The following RPH3AL variants were observed in gnomAD, a reference collection of about 807,000 sequenced individuals.
RPH3AL encodes rab effector Noc2.
Under a neutral mutation model 43.1 loss-of-function variants are expected in RPH3AL, and 38 were observed. The observed-to-expected ratio is 0.88, with a 90% confidence interval of 0.68 to 1.15. The LOEUF is 1.15. Among genes scored for constraint, RPH3AL ranks in the 50% most tolerant of loss-of-function variants. RPH3AL has a pLI of 0.00. For missense variants in RPH3AL, 462 were observed against 423.2 expected (o/e 1.09, Z -0.81); for synonymous variants, 189 against 176.3 (o/e 1.07, Z -0.57).
chr17:315,570 C>T (rs1468689923), intron 5 of RPH3AL, among the ~76,000 whole-genome samples: 10 of 152,198 alleles, frequency 6.6e-5, no homozygotes, highest in African/African-American at 2.4e-4. Context: ...TGTGCCCCAC[C>T]TCCATTGACC....
At chr17:337,257 G>A (rs534376225) in intron 1 of RPH3AL, among the ~76,000 whole-genome samples, 5 of 152,010 alleles carry the variant, frequency 3.3e-5, no homozygotes, top group Admixed American at 6.5e-5. Context: ...AGAACTACAC[G>A]CCTGGCTAAT....
intron 7 of RPH3AL, among the ~76,000 whole-genome samples, chr17:232,804 C>T (rs996678136): frequency 1.5e-4 from 23 of 151,012 alleles, no homozygotes; most frequent in Non-Finnish European, 2.8e-4. Flanking sequence ...TCCCCCCTTC[C>T]TTGTCTCTAA....
intron 2 of RPH3AL, among the ~76,000 whole-genome samples, chr17:330,771 G>A (rs1204303257): frequency 6.6e-6 from 1 of 151,966 alleles, no homozygotes; most frequent in African/African-American, 2.4e-5. Flanking sequence ...AGCTATTCGG[G>A]AGGCCGAGGC....
Position 213,813 on chromosome 17 carries a change from A to C in RPH3AL, c.*39T>G. 6.4e-7 allele frequency: 1 copy of C among 1,561,376 alleles called. No individual in the cohort carries two copies. The highest frequency in any genetic ancestry group is 8.8e-7 in the Non-Finnish European group (1 of 1,134,106). Reference sequence around the variant, plus strand: ...GAGGAGCCGGGCAGGGTCTGGCAGGAATCCTCCACAGGGAAGTCTGTTCCA... The same window carrying C: ...GAGGAGCCGGGCAGGGTCTGGCAGGCATCCTCCACAGGGAAGTCTGTTCCA... On this transcript the variant is annotated 3_prime_UTR_variant, in exon 10 of 10. Transcript: ENST00000331302.
chr17:224,442 C>T (rs989689258), intron 7 of RPH3AL, among the ~76,000 whole-genome samples: 5 of 152,244 alleles, frequency 3.3e-5, no homozygotes, highest in African/African-American at 1.2e-4. Flanking sequence ...TCTCTTGGCA[C>T]AGAAAACTGT....
chr17:314,944 G>T (rs2043876946), intron 5 of RPH3AL, among the ~76,000 whole-genome samples: 1 of 137,418 alleles, frequency 7.3e-6, no homozygotes, highest in Non-Finnish European at 1.5e-5. Flanking sequence ...TTGACCTGTA[G>T]TCTCTGTGCT....
chr17:332,166 G>C (rs1422731185), intron 2 of RPH3AL: 3 of 333,288 alleles, frequency 9.0e-6, no homozygotes, highest in East Asian at 7.8e-5. Flanking sequence ...CTGTGGACAG[G>C]GCTGGTGGAG....
chr17:288,591 A>T (rs367774579), intron 5 of RPH3AL, among the ~76,000 whole-genome samples: 4 of 16,740 alleles, frequency 2.4e-4, no homozygotes, highest in African/African-American at 7.6e-4. Context: ...CAGACCTCAC[A>T]CCCTCTCTCC....
intron 2 of RPH3AL, chr17:331,946 G>C: frequency 8.5e-7 from 1 of 1,173,304 alleles, no homozygotes; most frequent in Non-Finnish European, 1.1e-6. Flanking sequence ...TGGAAAAGCA[G>C]GGAAGGCAAA....
chr17:297,855 C>A (rs752455187), intron 5 of RPH3AL, among the ~76,000 whole-genome samples: 1 of 152,156 alleles, frequency 6.6e-6, no homozygotes, highest in Non-Finnish European at 1.5e-5. Context: ...TGTAAGTCCC[C>A]GTTACTCCCG....
rs765477945 is a variant in RPH3AL, at chr17:319,561, GAC to G, written c.222-14_222-13del. ...GCTCCACCAGCCGCCTGCAGCACAG[GAC>G]ACAGAGTCAGAGGGACTGTGCTTCC... On this transcript the variant is annotated splice_polypyrimidine_tract_variant and intron_variant, in intron 4 of 9. Transcript: ENST00000331302. 5.0e-6 allele frequency: 8 copies of G among 1,609,534 alleles called. No homozygotes were observed. The highest frequency in any genetic ancestry group is 6.8e-6 in the Non-Finnish European group (8 of 1,179,892).
At chr17:342,972 T>C (rs2045155895) in intron 1 of RPH3AL, among the ~76,000 whole-genome samples, 1 of 152,224 alleles carries the variant, frequency 6.6e-6, no homozygotes, top group Non-Finnish European at 1.5e-5. Context: ...ATGTCAGGCA[T>C]GTAAGTTTCA....
chr17:247,313 G>A (rs1555540594), intron 6 of RPH3AL, 28 bp from the exon 7 acceptor site: 1 of 1,534,678 alleles, frequency 6.5e-7, no homozygotes, highest in Admixed American at 2.0e-5. Flanking sequence ...GCTGCTTGGG[G>A]CACAGGACGC....
intron 6 of RPH3AL, among the ~76,000 whole-genome samples, chr17:272,652 G>A (rs2042497977): frequency 6.7e-6 from 1 of 149,670 alleles, no homozygotes; most frequent in Admixed American, 6.6e-5. Context: ...TATACCTAAT[G>A]CTAAAATGAC....
intron 6 of RPH3AL, among the ~76,000 whole-genome samples, chr17:273,379 C>T (rs371992316): frequency 2.0e-4 from 15 of 76,162 alleles, no homozygotes; most frequent in African/African-American, 6.2e-4. Context: ...GCGAGGGTGA[C>T]GTCAGGGAGA....
intron 6 of RPH3AL, among the ~76,000 whole-genome samples, chr17:278,441 C>G (rs1040943145): frequency 6.6e-6 from 1 of 152,170 alleles, no homozygotes; most frequent in Non-Finnish European, 1.5e-5. Context: ...CAACTTAACT[C>G]AAGTCACACT....
chr17:219,192 C>CTTTT (rs796389217), intron 8 of RPH3AL, among the ~76,000 whole-genome samples: 2,253 of 57,994 alleles, frequency 0.039, 378 homozygotes, highest in African/African-American at 0.067. Flanking sequence ...ATAAACAGCA[C>CTTTT]TTTTTTTTTT....
At chr17:278,461 G>A (rs116364759) in intron 6 of RPH3AL, among the ~76,000 whole-genome samples, 1,801 of 152,170 alleles carry the variant, frequency 0.012, 32 homozygotes, top group African/African-American at 0.041. Context: ...TGGTCTCCTC[G>A]CTGTGCCTCA....
chr17:291,383 C>T (rs530498782), intron 5 of RPH3AL, among the ~76,000 whole-genome samples: 1 of 152,198 alleles, frequency 6.6e-6, no homozygotes, highest in African/African-American at 2.4e-5. Context: ...CCCCCCATCT[C>T]ATTTTAAAAA....
Sources: gnomAD v4.1 joint callset for allele counts (sites outside exome capture counted in the v4.1 genomes callset) on GRCh38, gnomAD v4.1.1 for gene constraint, MANE v1.5 for transcripts, NCBI Gene and HGNC (gene_info 2026-07-23, HGNC 2026-07-21) for gene names.